The following VCF1 variants were observed in gnomAD, a reference collection of about 807,000 sequenced individuals.
VCF1 encodes the protein protein VCF1.
the VCF1 span, chr17:73,209,583 G>T: frequency 1.5e-5 from 24 of 1,585,856 alleles, no homozygotes; most frequent in South Asian, 2.3e-4. Flanking sequence ...CCTCCCTCAG[G>T]GTCTGGTTGA....
At chr17:73,208,079 T>C in the VCF1 span, 30 of 1,420,146 alleles carry the variant, frequency 2.1e-5, no homozygotes, top group East Asian at 6.9e-4. Context: ...TGCCTGTGTC[T>C]ACCCTTTTCC....
the VCF1 span, among the ~76,000 whole-genome samples, chr17:73,221,891 G>A: frequency 6.6e-6 from 1 of 152,032 alleles, no homozygotes; most frequent in African/African-American, 2.4e-5. Context: ...AAAATTAGCT[G>A]GGCGTGGTGG....
chr17:73,226,621 C>G, the VCF1 span, among the ~76,000 whole-genome samples: 1 of 152,194 alleles, frequency 6.6e-6, no homozygotes, highest in African/African-American at 2.4e-5. Flanking sequence ...TACTGAAGCA[C>G]TCTTTCATGA....
the VCF1 span, chr17:73,227,385 C>A: frequency 1.2e-6 from 1 of 800,654 alleles, no homozygotes; most frequent in Non-Finnish European, 1.9e-6. Flanking sequence ...CATAATTCAG[C>A]ATATGATATC....
chr17:73,208,077 T>C, the VCF1 span: 2 of 1,417,538 alleles, frequency 1.4e-6, no homozygotes, highest in Non-Finnish European at 1.8e-6. Flanking sequence ...AGTGCCTGTG[T>C]CTACCCTTTT....
the VCF1 span, among the ~76,000 whole-genome samples, chr17:73,230,161 G>A: frequency 6.6e-6 from 1 of 152,010 alleles, no homozygotes; most frequent in Admixed American, 6.6e-5. Flanking sequence ...GCTGGGTGTG[G>A]TAGCTCACAC....
chr17:73,213,494 A>C, the VCF1 span, among the ~76,000 whole-genome samples: 1 of 152,214 alleles, frequency 6.6e-6, no homozygotes, highest in South Asian at 2.1e-4. Context: ...GATTCTTAAA[A>C]TGTTTTTCTC....
At chr17:73,210,757 ATTTTTTT>A in the VCF1 span, among the ~76,000 whole-genome samples, 1 of 135,122 alleles carries the variant, frequency 7.4e-6, no homozygotes, top group Non-Finnish European at 1.6e-5. Flanking sequence ...ATGCCTCGTT[ATTTTTTT>A]TTTTTTTTTT....
At chr17:73,216,720 T>C in the VCF1 span, among the ~76,000 whole-genome samples, 1 of 152,130 alleles carries the variant, frequency 6.6e-6, no homozygotes, top group Non-Finnish European at 1.5e-5. Context: ...ATAACTAAAT[T>C]GTGAAGCAGA....
chr17:73,220,061 C>T, the VCF1 span, among the ~76,000 whole-genome samples: 10 of 152,044 alleles, frequency 6.6e-5, no homozygotes, highest in Non-Finnish European at 1.0e-4. Context: ...AACAGTTTCA[C>T]TGAAAAGAGT....
the VCF1 span, among the ~76,000 whole-genome samples, chr17:73,221,695 C>T: frequency 1.3e-5 from 2 of 152,064 alleles, no homozygotes; most frequent in South Asian, 4.1e-4. Context: ...TCAAGATCAG[C>T]CTGGACAACA....
At chr17:73,222,881 C>T in the VCF1 span, among the ~76,000 whole-genome samples, 31 of 151,598 alleles carry the variant, frequency 2.0e-4, no homozygotes, top group African/African-American at 6.8e-4. Flanking sequence ...TGGGAGAGCA[C>T]ACACCATGGT....
the VCF1 span, among the ~76,000 whole-genome samples, chr17:73,217,899 G>A: frequency 2.0e-5 from 3 of 152,044 alleles, no homozygotes; most frequent in Middle Eastern, 6.3e-3. Flanking sequence ...TTGAACCCAG[G>A]AGGCAGAGGT....
At chr17:73,208,286 A>T in the VCF1 span, 7 of 1,612,418 alleles carry the variant, frequency 4.3e-6, no homozygotes, top group South Asian at 7.7e-5. Context: ...GCCAACTCTA[A>T]GGCACTTTTC....
At chr17:73,210,175 G>C in the VCF1 span, among the ~76,000 whole-genome samples, 4 of 152,202 alleles carry the variant, frequency 2.6e-5, no homozygotes, top group South Asian at 2.1e-4. Context: ...CATTGGGACA[G>C]AGTATAAAAA....
At chr17:73,219,360 A>G in the VCF1 span, among the ~76,000 whole-genome samples, 159 of 152,170 alleles carry the variant, frequency 1.0e-3, no homozygotes, top group Middle Eastern at 0.017. Flanking sequence ...CTTTTAAGAA[A>G]TTAATCTCGG....
chr17:73,227,815 A>C, the VCF1 span: 4 of 240,172 alleles, frequency 1.7e-5, no homozygotes, highest in Non-Finnish European at 2.7e-5. Flanking sequence ...AGATGATAGC[A>C]TAAGCTGCTT....
chr17:73,218,791 G>A, the VCF1 span, among the ~76,000 whole-genome samples: 3 of 152,066 alleles, frequency 2.0e-5, no homozygotes, highest in East Asian at 3.9e-4. Flanking sequence ...AGGCCGAGGC[G>A]GGCGGATCAC....
At chr17:73,224,865 C>CATAGGATAGG in the VCF1 span, among the ~76,000 whole-genome samples, 2 of 128,662 alleles carry the variant, frequency 1.6e-5, no homozygotes, top group African/African-American at 6.4e-5. Flanking sequence ...GACAGGACAG[C>CATAGGATAGG]ACAGGACAGG....
Sources: gnomAD v4.1 joint callset for allele counts (sites outside exome capture counted in the v4.1 genomes callset) on GRCh38, gnomAD v4.1.1 for gene constraint, MANE v1.5 for transcripts, NCBI Gene and HGNC (gene_info 2026-07-23, HGNC 2026-07-21) for gene names.